ANO6: variants seen among roughly 807,000 people sequenced by gnomAD.
The protein encoded by ANO6 is anoctamin 6.
In ANO6, 106 loss-of-function variants were observed where a neutral mutation model predicts 117.5. The ratio of observed to expected loss-of-function variants is 0.90; its 90% confidence interval spans 0.77 to 1.06. The LOEUF (loss-of-function observed/expected upper bound fraction) is 1.06, where lower values mean the gene tolerates loss of function less well. Ranked by LOEUF, ANO6 falls within the 50% of genes least tolerant of loss-of-function variation. The probability of loss-of-function intolerance (pLI) is 0.00; values close to 1 mark genes in which losing one functional copy is unlikely to be tolerated. For missense variants in ANO6, 955 were observed against 1,121.1 expected (o/e 0.85, Z 2.12); for synonymous variants, 367 against 385.1 (o/e 0.95, Z 0.55).
At chr12:45,220,550 G>A (rs1255133382) in intron 1 of ANO6, among the ~76,000 whole-genome samples, 3 of 152,166 alleles carry the variant, frequency 2.0e-5, no homozygotes, top group Non-Finnish European at 4.4e-5. Flanking sequence ...TAGGTGCTGG[G>A]TCAGGTGTTG....
At chr12:45,248,310 A>G (rs1214651522) in intron 1 of ANO6, among the ~76,000 whole-genome samples, 1 of 152,054 alleles carries the variant, frequency 6.6e-6, no homozygotes, top group Non-Finnish European at 1.5e-5. Flanking sequence ...CTGTACTTCC[A>G]TTGCCCTGCC....
intron 1 of ANO6, among the ~76,000 whole-genome samples, chr12:45,266,285 C>T (rs1271147191): frequency 6.6e-6 from 1 of 152,114 alleles, no homozygotes; most frequent in Non-Finnish European, 1.5e-5. Flanking sequence ...GATCTCTAAA[C>T]TCCAGTTTTT....
At chr12:45,258,096 G>A (rs1937898935) in intron 1 of ANO6, among the ~76,000 whole-genome samples, 1 of 152,148 alleles carries the variant, frequency 6.6e-6, no homozygotes, top group Admixed American at 6.5e-5. Context: ...TCTCAGCTCT[G>A]CTATTAAATA....
intron 1 of ANO6, among the ~76,000 whole-genome samples, chr12:45,281,707 G>A (rs1938741621): frequency 1.3e-5 from 2 of 152,150 alleles, no homozygotes; most frequent in Admixed American, 1.3e-4. Flanking sequence ...TTCAACAGGA[G>A]ATTTGAAGGA....
chr12:45,311,878 A>G (rs966350603), intron 2 of ANO6, among the ~76,000 whole-genome samples: 13 of 152,174 alleles, frequency 8.5e-5, no homozygotes, highest in African/African-American at 3.1e-4. Flanking sequence ...ATCTCACCCT[A>G]TTGAGTTTTA....
intron 2 of ANO6, among the ~76,000 whole-genome samples, chr12:45,314,050 C>CTGGT (rs1306944608): frequency 1.3e-5 from 2 of 152,052 alleles, no homozygotes; most frequent in African/African-American, 4.8e-5. Flanking sequence ...GCAGTTGACG[C>CTGGT]TGGTTGGTTG....
At chr12:45,362,691 A>C (rs1941585809) in intron 8 of ANO6, among the ~76,000 whole-genome samples, 1 of 151,684 alleles carries the variant, frequency 6.6e-6, no homozygotes. Flanking sequence ...TTGTTTCTTT[A>C]TCTTTTTTTA....
intron 1 of ANO6, among the ~76,000 whole-genome samples, chr12:45,292,078 GAATGGGGTAAAT>G (rs1377630308): frequency 6.6e-6 from 1 of 152,182 alleles, no homozygotes; most frequent in Non-Finnish European, 1.5e-5. Flanking sequence ...ATCCACAGAT[GAATGGGGTAAAT>G]ACAGCGTAGT....
At chr12:45,299,283 G>T (rs949758697) in intron 1 of ANO6, among the ~76,000 whole-genome samples, 2 of 152,176 alleles carry the variant, frequency 1.3e-5, no homozygotes, top group Non-Finnish European at 2.9e-5. Flanking sequence ...AACTCTCTCA[G>T]TGTAACAGAC....
At chr12:45,308,048 A>ATTTTTTTT (rs1218638312) in intron 2 of ANO6, among the ~76,000 whole-genome samples, 22,809 of 68,966 alleles carry the variant, frequency 0.33, 8,439 homozygotes, top group Non-Finnish European at 0.44. Flanking sequence ...TGTGTGTGTA[A>ATTTTTTTT]TTTTTTTTTT....
chr12:45,244,297 G>T (rs950085388), intron 1 of ANO6, among the ~76,000 whole-genome samples: 2 of 151,748 alleles, frequency 1.3e-5, no homozygotes, highest in East Asian at 3.9e-4. Flanking sequence ...GAAGCCTCAG[G>T]CATAGTGGAT....
chr12:45,378,668 C>T (rs997294443), intron 10 of ANO6, among the ~76,000 whole-genome samples: 8 of 152,108 alleles, frequency 5.3e-5, no homozygotes, highest in Admixed American at 3.3e-4. Context: ...CAATGTGGGG[C>T]GGTGGGAGTA....
At chr12:45,223,188 T>G (rs1947431743) in intron 1 of ANO6, among the ~76,000 whole-genome samples, 1 of 152,200 alleles carries the variant, frequency 6.6e-6, no homozygotes, top group Non-Finnish European at 1.5e-5. Flanking sequence ...GAGGGTGTCG[T>G]GGGAACCCCA....
intron 8 of ANO6, among the ~76,000 whole-genome samples, chr12:45,359,596 T>G (rs1277986941): frequency 6.6e-6 from 1 of 151,906 alleles, no homozygotes; most frequent in Non-Finnish European, 1.5e-5. Flanking sequence ...GTTTTCAAGG[T>G]TCATCCATGT....
chr12:45,388,192 C>T lies in ANO6; in HGVS notation c.1197C>T (p.Arg399=), dbSNP rs1459709071. The change falls in exon 11 of 20, where the codon CGC becomes CGT. Residue 399 remains arginine (R), a synonymous_variant. Transcript: ENST00000320560. ...TGTTTTTGGAGTTTTGGAAGCGACG[C>T]CAGGCAGAACTTGAGTATGAATGGG... is the stretch of plus-strand genomic sequence containing the variant. ...VTLFLEFWKR[R]QAELEYEWDT... 3.7e-6 allele frequency: 6 copies of T among 1,613,866 alleles called. No homozygotes were observed. In the East Asian group the frequency reaches 1.3e-4, roughly 36 times the overall value.
In ANO6 at chr12:45,347,060, T is replaced by C. The variant is rs769298351; in HGVS notation, c.318T>C (p.His106=). Residue 106 remains histidine, a synonymous_variant, in exon 4 of 20, where the codon CAT becomes CAC. Transcript: ENST00000320560. ...RQAYESNLIC[H]GLQLEATRSV... is the part of the protein sequence containing the mutation. ...CATACGAATCTAACCTTATCTGTCA[T>C]GGCCTGCAGTTAGAAGCAACAAGAT... 45 of 1,613,984 alleles carry C rather than the reference T, an allele frequency of 2.8e-5. No homozygotes were observed. Among genetic ancestry groups the C allele is most frequent in the Non-Finnish European group, 3.6e-5 (43 of 1,179,978 alleles).
At chr12:45,252,564 A>C (rs544683458) in intron 1 of ANO6, among the ~76,000 whole-genome samples, 3 of 152,286 alleles carry the variant, frequency 2.0e-5, no homozygotes, top group East Asian at 1.9e-4. Flanking sequence ...CTTAGGGTAC[A>C]TGCTAAAATT....
chr12:45,254,764 T>G (rs1937751638), intron 1 of ANO6, among the ~76,000 whole-genome samples: 1 of 152,244 alleles, frequency 6.6e-6, no homozygotes, highest in Non-Finnish European at 1.5e-5. Context: ...TGTAAGATTA[T>G]ACCTACTTTG....
At chr12:45,373,856 A>G (rs1593030617) in intron 9 of ANO6, among the ~76,000 whole-genome samples, 1 of 152,174 alleles carries the variant, frequency 6.6e-6, no homozygotes, top group East Asian at 1.9e-4. Flanking sequence ...AGAAATAACT[A>G]AAATCAGAGC....
Sources: allele counts gnomAD v4.1 joint callset (sites outside exome capture counted in the v4.1 genomes callset), GRCh38; gene constraint gnomAD v4.1.1; transcripts MANE v1.5; gene names NCBI Gene and HGNC (gene_info 2026-07-23, HGNC 2026-07-21).